Variants in CDH19 observed in about 807,000 individuals in gnomAD.
CDH19 encodes cadherin-19.
In CDH19, 67 loss-of-function variants were observed where a neutral mutation model predicts 64.2. That is an observed-to-expected ratio of 1.04 (90% CI 0.86 to 1.28). CDH19 has a LOEUF of 1.28. Ranked by LOEUF, CDH19 falls within the 50% of genes most tolerant of loss-of-function variation. The pLI is 0.00. For synonymous variants in CDH19, 346 were observed against 319.3 expected, an observed-to-expected ratio of 1.08 and a Z score of -0.89; for missense variants, 1,030 against 929.0, an observed-to-expected ratio of 1.11 and a Z score of -1.41.
intron 11 of CDH19, among the ~76,000 whole-genome samples, chr18:66,506,925 A>G (rs1412829415): frequency 1.3e-5 from 2 of 151,966 alleles, no homozygotes; most frequent in Non-Finnish European, 2.9e-5. Context: ...CATATGATAT[A>G]TATGGTTGAA....
intron 1 of CDH19, among the ~76,000 whole-genome samples, chr18:66,585,567 C>A (rs1988553313): frequency 6.6e-6 from 1 of 151,992 alleles, no homozygotes; most frequent in Admixed American, 6.6e-5. Flanking sequence ...AAAATACTGT[C>A]CGGCACGTAT....
At chr18:66,543,716 C>G (rs1281374509) in intron 7 of CDH19, among the ~76,000 whole-genome samples, 2 of 151,958 alleles carry the variant, frequency 1.3e-5, no homozygotes, top group African/African-American at 4.8e-5. Flanking sequence ...AACCCCGTCT[C>G]TACTAAAAAT....
Position 66,518,980 on chromosome 18 carries a change from T to C in CDH19, c.1459-7295A>G, listed in dbSNP as rs543576323. Among the ~76,000 whole-genome samples, 95 of 152,318 alleles carry C rather than the reference T, an allele frequency of 6.2e-4. 1 individual carries two copies. The South Asian group carries it at 0.017, about 27-fold the overall frequency. ...CAGCTAAACCAATGGTTACATCTTA[T>C]GTACCTGTAGTACATTATTAATATC... On this transcript the variant is annotated intron_variant, in intron 9 of 11. Coordinates refer to ENST00000262150, the MANE Select transcript of CDH19 (RefSeq NM_021153.4).
At chr18:66,552,105 G>A (rs1040056036) in intron 4 of CDH19, among the ~76,000 whole-genome samples, 18 of 152,052 alleles carry the variant, frequency 1.2e-4, no homozygotes, top group African/African-American at 4.3e-4. Context: ...TTCTGATTGG[G>A]TAGCATGCTC....
chr18:66,560,428 C>T (rs903953358), intron 3 of CDH19, among the ~76,000 whole-genome samples: 7 of 151,832 alleles, frequency 4.6e-5, no homozygotes, highest in African/African-American at 1.2e-4. Context: ...TGCTTTACAC[C>T]TTTCACAAAT....
intron 7 of CDH19, among the ~76,000 whole-genome samples, chr18:66,540,409 A>C (rs1986842941): frequency 6.6e-6 from 1 of 152,184 alleles, no homozygotes; most frequent in South Asian, 2.1e-4. Context: ...CCTATATCTG[A>C]AGTCCAAAAG....
At chr18:66,506,907 T>G (rs1985229607) in intron 11 of CDH19, among the ~76,000 whole-genome samples, 1 of 151,850 alleles carries the variant, frequency 6.6e-6, no homozygotes, top group Non-Finnish European at 1.5e-5. Flanking sequence ...GTATTGCACT[T>G]TAGAACTCAT....
chr18:66,542,936 G>T (rs61336509), intron 7 of CDH19, among the ~76,000 whole-genome samples: 2,999 of 152,216 alleles, frequency 0.02, 111 homozygotes, highest in African/African-American at 0.068. Flanking sequence ...CACCGAACTG[G>T]TTCCTGGTGG....
chr18:66,537,502 C>T (rs1248628453), intron 7 of CDH19, among the ~76,000 whole-genome samples: 1 of 151,842 alleles, frequency 6.6e-6, no homozygotes, highest in Non-Finnish European at 1.5e-5. Context: ...TGATGACGAC[C>T]CCATTTCTCT....
At chr18:66,530,613 G>T (rs999896125) in intron 8 of CDH19, among the ~76,000 whole-genome samples, 2 of 151,112 alleles carry the variant, frequency 1.3e-5, no homozygotes, top group African/African-American at 4.9e-5. Context: ...CATAATGAGA[G>T]AAAATTGTGG....
intron 9 of CDH19, among the ~76,000 whole-genome samples, chr18:66,527,126 AT>A (rs1408141401): frequency 2.6e-5 from 4 of 151,304 alleles, no homozygotes; most frequent in African/African-American, 9.7e-5. Flanking sequence ...TTACAAATAA[AT>A]TTTTTTAAAT....
intron 9 of CDH19, among the ~76,000 whole-genome samples, chr18:66,518,067 A>G (rs1451778662): frequency 1.3e-5 from 2 of 151,936 alleles, no homozygotes; most frequent in Non-Finnish European, 2.9e-5. Context: ...TTGTTTTCTT[A>G]TTACTGTTTT....
At position 66,522,243 on chromosome 18, in the gene CDH19, C is replaced by T. The variant is rs751686813; in HGVS notation, c.1458+7602G>A. The stretch of plus-strand genomic sequence containing the variant: ...GTTTACAGGTGTGAGCCACCCAGCC[C>T]GGCGTAGTTTTGTTTTGAGACAGAG... On this transcript the variant is annotated intron_variant, in intron 9 of 11. Coordinates refer to ENST00000262150, the MANE Select transcript of CDH19 (RefSeq NM_021153.4). Among the ~76,000 whole-genome samples the T allele has an allele frequency of 2.7e-5, 4 of 148,384 alleles. 1 individual carries two copies. Among genetic ancestry groups the T allele is most frequent in the Non-Finnish European group, 4.5e-5 (3 of 67,128 alleles).
At chr18:66,530,106 A>G (rs934866727) in intron 8 of CDH19, 140 bp from the exon 9 acceptor site, 25 of 381,984 alleles carry the variant, frequency 6.5e-5, no homozygotes, top group African/African-American at 5.3e-4. Context: ...GGATATCTAT[A>G]TGATTCACCT....
In CDH19 at chr18:66,502,096, C is replaced by T. The variant is rs973231517; in HGVS notation, c.*2716G>A. On this transcript the variant is annotated 3_prime_UTR_variant, in exon 12 of 12. Transcript: ENST00000262150. The stretch of plus-strand genomic sequence containing the variant: ...ACAAAAATAAATTCTTAATGTAATG[C>T]CTTTTTAGTTTAAGAGCTGTGTTCT... 6 of 151,910 alleles carry T rather than the reference C, an allele frequency of 3.9e-5. No individual in the cohort carries two copies. The highest frequency in any genetic ancestry group is 1.4e-4 in the African/African-American group (6 of 41,386). 9.4% of individuals were successfully genotyped at this position (151,910 alleles called of 1,614,324 possible).
intron 9 of CDH19, among the ~76,000 whole-genome samples, chr18:66,526,487 C>G (rs982596690): frequency 6.6e-6 from 1 of 152,006 alleles, no homozygotes; most frequent in African/African-American, 2.4e-5. Flanking sequence ...AATGGTATTT[C>G]ATTTTTGTGG....
chr18:66,535,632 T>TAA (rs929726064), intron 7 of CDH19, among the ~76,000 whole-genome samples: 1 of 146,826 alleles, frequency 6.8e-6, no homozygotes, highest in Non-Finnish European at 1.5e-5. Context: ...TATATATATA[T>TAA]AAACATATAT....
At chr18:66,559,589 A>C (rs935056970) in intron 3 of CDH19, among the ~76,000 whole-genome samples, 1 of 151,720 alleles carries the variant, frequency 6.6e-6, no homozygotes, top group Non-Finnish European at 1.5e-5. Context: ...CAAAATATGC[A>C]TATAGTTACA....
chr18:66,506,245 G>A (rs1217660722), intron 11 of CDH19, among the ~76,000 whole-genome samples: 2 of 151,938 alleles, frequency 1.3e-5, no homozygotes, highest in Non-Finnish European at 2.9e-5. Flanking sequence ...ATAAGTTCTG[G>A]TGTTCTATTA....
Sources: gnomAD v4.1 joint callset for allele counts (sites outside exome capture counted in the v4.1 genomes callset) on GRCh38, gnomAD v4.1.1 for gene constraint, MANE v1.5 for transcripts, NCBI Gene and HGNC (gene_info 2026-07-23, HGNC 2026-07-21) for gene names.